Variants in WWOX observed in about 807,000 individuals in gnomAD.
The protein encoded by WWOX is WW domain-containing oxidoreductase.
WWOX carries 69 observed loss-of-function variants against 46.2 expected under a neutral mutation model. The observed-to-expected ratio is 1.49, with a 90% CI of 1.23 to 1.82. The LOEUF (loss-of-function observed/expected upper bound fraction) is 1.82. Among genes scored for constraint, WWOX ranks in the 40% most tolerant of loss-of-function variants. The pLI is 0.00. For synonymous variants in WWOX, 359 were observed against 202.6 expected, an observed-to-expected ratio of 1.77 and a Z score of -6.56; for missense variants, 919 against 542.6, an observed-to-expected ratio of 1.69 and a Z score of -6.89.
At chr16:78,887,128 G>T (rs2044480929) in intron 8 of WWOX, among the ~76,000 whole-genome samples, 1 of 112,732 alleles carries the variant, frequency 8.9e-6, no homozygotes, top group African/African-American at 2.9e-5. Flanking sequence ...GTGTGTGTGT[G>T]TGTGTGTATA....
intron 8 of WWOX, among the ~76,000 whole-genome samples, chr16:78,918,582 T>C (rs1450604249): frequency 6.6e-6 from 1 of 152,238 alleles, no homozygotes; most frequent in African/African-American, 2.4e-5. Flanking sequence ...TGCAAAATGC[T>C]TGTTACTATT....
chr16:78,597,879 G>C (rs913444482), intron 8 of WWOX, among the ~76,000 whole-genome samples: 1 of 150,946 alleles, frequency 6.6e-6, no homozygotes, highest in African/African-American at 2.4e-5. Context: ...CCCCTCGTCA[G>C]CATACTTTAT....
chr16:78,721,193 G>A (rs1394349416), intron 8 of WWOX, among the ~76,000 whole-genome samples: 1 of 152,072 alleles, frequency 6.6e-6, no homozygotes, highest in African/African-American at 2.4e-5. Context: ...ATATATTATA[G>A]GCCATTATAC....
chr16:78,364,664 C>A (rs983990019), intron 5 of WWOX, among the ~76,000 whole-genome samples: 3 of 152,068 alleles, frequency 2.0e-5, no homozygotes, highest in Middle Eastern at 3.4e-3. Context: ...TGCTCTTTCT[C>A]TATAATACAG....
chr16:79,055,505 C>G (rs1163324434), intron 8 of WWOX, among the ~76,000 whole-genome samples: 1 of 152,148 alleles, frequency 6.6e-6, no homozygotes, highest in African/African-American at 2.4e-5. Flanking sequence ...AATGGCCAAC[C>G]TCCATCCATT....
intron 8 of WWOX, among the ~76,000 whole-genome samples, chr16:78,689,552 G>A (rs1649223415): frequency 6.6e-6 from 1 of 152,170 alleles, no homozygotes; most frequent in Non-Finnish European, 1.5e-5. Context: ...TTCTAAGTCA[G>A]TCTAGAGAGA....
At chr16:79,182,676 G>A (rs549723973) in intron 8 of WWOX, among the ~76,000 whole-genome samples, 35 of 152,248 alleles carry the variant, frequency 2.3e-4, no homozygotes, top group African/African-American at 7.9e-4. Context: ...GTGACACCGG[G>A]CAAGTTATTA....
chr16:78,991,599 T>TTAAAAAAAA (rs2046887998), intron 8 of WWOX, among the ~76,000 whole-genome samples: 1 of 4,842 alleles, frequency 2.1e-4, no homozygotes. Context: ...AGACCTTGTC[T>TTAAAAAAAA]CAAAAAAAAA....
chr16:78,141,666 A>G (rs1226629760), intron 4 of WWOX, among the ~76,000 whole-genome samples: 1 of 152,196 alleles, frequency 6.6e-6, no homozygotes, highest in Non-Finnish European at 1.5e-5. Context: ...TACTTGCTTT[A>G]GAGAGTGTGT....
chr16:78,383,990 G>T lies in WWOX; in HGVS notation c.517-2870G>T, dbSNP rs111648697. 3.9e-5 allele frequency among the ~76,000 whole-genome samples: 6 copies of T among 152,274 alleles called. 1 individual carries two copies. Among genetic ancestry groups the T allele is most frequent in the African/African-American group, 1.2e-4 (5 of 41,550 alleles). On this transcript the variant is annotated intron_variant, in intron 5 of 8. Coordinates refer to ENST00000566780, the MANE Select transcript of WWOX (RefSeq NM_016373.4). ...TTGAAGGGAAGCAGGGGAACCAAAA[G>T]AAAACTTAGCAGTTGTAAGTTACTT...
chr16:78,928,046 A>T (rs939192540), intron 8 of WWOX, among the ~76,000 whole-genome samples: 1 of 152,080 alleles, frequency 6.6e-6, no homozygotes, highest in Admixed American at 6.6e-5. Flanking sequence ...AACAAAAAAA[A>T]TATCATACTC....
At chr16:79,208,254 A>C (rs1477330865) in intron 8 of WWOX, among the ~76,000 whole-genome samples, 2 of 152,308 alleles carry the variant, frequency 1.3e-5, no homozygotes, top group Non-Finnish European at 2.9e-5. Flanking sequence ...TGGGCTTCCC[A>C]GAAATTCTCA....
intron 8 of WWOX, among the ~76,000 whole-genome samples, chr16:79,020,894 T>A (rs375605836): frequency 5.5e-4 from 84 of 152,136 alleles, no homozygotes; most frequent in Non-Finnish European, 1.0e-3. Flanking sequence ...GTTTATAGAT[T>A]TTTTTTTAAG....
chr16:78,632,678 CCT>C (rs1030717096), intron 8 of WWOX, among the ~76,000 whole-genome samples: 4 of 150,692 alleles, frequency 2.7e-5, no homozygotes, highest in Non-Finnish European at 4.4e-5. Flanking sequence ...CCTGCCTCAG[CCT>C]CTCGAATAGC....
chr16:79,112,433 C>T (rs992478122), intron 8 of WWOX, among the ~76,000 whole-genome samples: 3 of 152,154 alleles, frequency 2.0e-5, no homozygotes, highest in Non-Finnish European at 2.9e-5. Context: ...CCAGGAATAT[C>T]CATCCATCTG....
At chr16:78,182,681 G>A (rs938295222) in intron 5 of WWOX, among the ~76,000 whole-genome samples, 3 of 152,020 alleles carry the variant, frequency 2.0e-5, no homozygotes, top group Non-Finnish European at 4.4e-5. Flanking sequence ...CACTGGGTGT[G>A]GTGGCTCACG....
rs1006512654 is a variant in WWOX at position 78,131,415 on chromosome 16, A to G, written c.409+16261A>G. 7.2e-5 allele frequency among the ~76,000 whole-genome samples: 11 copies of G among 151,926 alleles called. 1 individual carries two copies. Among genetic ancestry groups the G allele is most frequent in the Middle Eastern group, 6.3e-3 (2 of 316 alleles). On this transcript the variant is annotated intron_variant, in intron 4 of 8. Coordinates refer to ENST00000566780, the MANE Select transcript of WWOX (RefSeq NM_016373.4). ...TTTTTAATAGAGATGAGGTCTTGCTATGTTGCCCATGCTGGTCTTGAACTC... is the reference window on the plus strand; with the variant it reads ...TTTTTAATAGAGATGAGGTCTTGCTGTGTTGCCCATGCTGGTCTTGAACTC...
chr16:78,260,253 G>A (rs1300023790), intron 5 of WWOX, among the ~76,000 whole-genome samples: 2 of 151,568 alleles, frequency 1.3e-5, no homozygotes, highest in Non-Finnish European at 2.9e-5. Flanking sequence ...GGGAAGAGGG[G>A]CCTGATTGTT....
chr16:78,153,684 T>C (rs932251981), intron 4 of WWOX, among the ~76,000 whole-genome samples: 1 of 152,196 alleles, frequency 6.6e-6, no homozygotes, highest in Non-Finnish European at 1.5e-5. Context: ...TTGTCCCCAG[T>C]GTTTCACAAT....
Sources: gnomAD v4.1 joint callset for allele counts (sites outside exome capture counted in the v4.1 genomes callset) on GRCh38, gnomAD v4.1.1 for gene constraint, MANE v1.5 for transcripts, NCBI Gene and HGNC (gene_info 2026-07-23, HGNC 2026-07-21) for gene names.